The following ALKBH1 variants were observed in gnomAD, a reference collection of about 807,000 sequenced individuals.
ALKBH1 encodes the protein alkB homolog 1, histone H2A dioxygenase.
A neutral mutation model predicts 36.6 loss-of-function variants in ALKBH1; 31 were observed. That is an observed-to-expected ratio of 0.85 (90% CI 0.64 to 1.14). ALKBH1 has a LOEUF of 1.14. Ranked by LOEUF, ALKBH1 falls within the 50% of genes most tolerant of loss-of-function variation. ALKBH1 has a pLI of 0.00. For missense variants in ALKBH1, 490 were observed against 497.3 expected, an observed-to-expected ratio of 0.99 and a Z score of 0.14; for synonymous variants, 183 against 186.6, an observed-to-expected ratio of 0.98 and a Z score of 0.16.
chr14:77,692,290 ACAGT>A (rs1016322059), intron 3 of ALKBH1, among the ~76,000 whole-genome samples: 1 of 152,162 alleles, frequency 6.6e-6, no homozygotes, highest in Non-Finnish European at 1.5e-5. Context: ...GGATCTGAAC[ACAGT>A]CAGTCTGACT....
At chr14:77,674,842 A>G (rs530589152) in intron 5 of ALKBH1, among the ~76,000 whole-genome samples, 2 of 152,270 alleles carry the variant, frequency 1.3e-5, no homozygotes, top group African/African-American at 4.8e-5. Flanking sequence ...GTAAGCCATC[A>G]TGCCCAGCCT....
chr14:77,699,873 T>C (rs1253353295), intron 2 of ALKBH1, among the ~76,000 whole-genome samples: 3 of 152,076 alleles, frequency 2.0e-5, no homozygotes, highest in Admixed American at 6.6e-5. Flanking sequence ...GCTAACACAA[T>C]GAAACCCCGT....
rs184069289 is a variant in ALKBH1 at position 77,672,525 on chromosome 14, A to T, written c.*1287T>A. ...AGGACAGAGGAGACATGTAAACTTAATAACATGCATTGCAAACAGTAGGTA... is the reference window on the plus strand; with the variant it reads ...AGGACAGAGGAGACATGTAAACTTATTAACATGCATTGCAAACAGTAGGTA... On this transcript the variant is annotated 3_prime_UTR_variant, in exon 6 of 6. Coordinates refer to ENST00000216489, the MANE Select transcript of ALKBH1 (RefSeq NM_006020.3). 1.3e-5 allele frequency: 2 copies of T among 152,234 alleles called. No homozygotes were observed. Among genetic ancestry groups the T allele is most frequent in the Non-Finnish European group, 2.9e-5 (2 of 68,050 alleles). 9.4% of individuals were successfully genotyped at this position (152,234 alleles called of 1,614,324 possible).
At chr14:77,700,332 G>A (rs1290580709) in intron 2 of ALKBH1, among the ~76,000 whole-genome samples, 1 of 152,050 alleles carries the variant, frequency 6.6e-6, no homozygotes, top group African/African-American at 2.4e-5. Context: ...ATTCAATGTG[G>A]ACAGGTTCCT....
chr14:77,679,257 A>T lies in ALKBH1; in HGVS notation c.546+623T>A, dbSNP rs180690803. 8.2e-4 allele frequency among the ~76,000 whole-genome samples: 123 copies of T among 149,706 alleles called. 1 individual carries two copies. The highest frequency in any genetic ancestry group is 1.6e-3 in the Admixed American group (24 of 15,228). On this transcript the variant is annotated intron_variant, in intron 4 of 5. Coordinates refer to ENST00000216489, the MANE Select transcript of ALKBH1 (RefSeq NM_006020.3). ...CTTTTGTTGCACAATAAAAATTAAA[A>T]AAAAGAAAAAGAAAAAGAAAAATAT...
chr14:77,673,706 T>TCTTC lies in ALKBH1; in HGVS notation c.*105_*106insGAAG. The stretch of plus-strand genomic sequence containing the variant: ...GTGATCAACAATGAGTTCTTCCCTG[T>TCTTC]CTCTGTTTTTGGCTTGTCTGGGTGC... On this transcript the variant is annotated 3_prime_UTR_variant, in exon 6 of 6. Coordinates refer to ENST00000216489, the MANE Select transcript of ALKBH1 (RefSeq NM_006020.3). 8.6e-7 allele frequency: 1 copy of TCTTC among 1,166,456 alleles called. No homozygotes were observed. The highest frequency in any genetic ancestry group is 2.2e-5 in the Admixed American group (1 of 44,666). The allele number at this position is 1,166,456 out of a possible 1,614,324, so 72.3% of individuals were successfully genotyped here.
Position 77,704,427 on chromosome 14 carries a change from A to G in ALKBH1, c.234T>C (p.Tyr78=), listed in dbSNP as rs754359580. ...NVSSVSEQNA[Y]RAGLQPVSKW... ...TGCTGACGGGCTGAAGACCTGCTCT[A>G]TATGCATTCTGCTCACTGACAGAAG... is the stretch of plus-strand genomic sequence containing the variant. Residue 78 remains tyrosine (Y), a synonymous_variant, in exon 2 of 6, where the codon TAT becomes TAC. Coordinates refer to ENST00000216489, the MANE Select transcript of ALKBH1 (RefSeq NM_006020.3). The G allele has an allele frequency of 1.7e-5, 28 of 1,614,050 alleles. No individual in the cohort carries two copies. Among genetic ancestry groups the G allele is most frequent in the Non-Finnish European group, 1.9e-5 (23 of 1,180,026 alleles).
chr14:77,693,224 A>ACAAC (rs369220185), intron 3 of ALKBH1, among the ~76,000 whole-genome samples: 10,239 of 126,428 alleles, frequency 0.081, 502 homozygotes, highest in Middle Eastern at 0.11. Flanking sequence ...AAAAAAAAAA[A>ACAAC]TTTTTTTTCA....
chr14:77,683,149 CTTTTTT>C (rs34921168), intron 3 of ALKBH1: 74,287 of 403,224 alleles, frequency 0.18, 3,182 homozygotes, highest in East Asian at 0.25. Context: ...GCTGTAAAGT[CTTTTTT>C]TTTTTTTTTT....
chr14:77,687,550 C>G, intron 3 of ALKBH1, among the ~76,000 whole-genome samples: 1 of 151,812 alleles, frequency 6.6e-6, no homozygotes, highest in East Asian at 1.9e-4. Context: ...CAGCATTTGC[C>G]TTCCTCACTC....
At chr14:77,677,086 C>T (rs1475066133) in intron 4 of ALKBH1, among the ~76,000 whole-genome samples, 1 of 151,660 alleles carries the variant, frequency 6.6e-6, no homozygotes, top group Non-Finnish European at 1.5e-5. Context: ...GTCACCCAGG[C>T]TGGAGTGCAG....
chr14:77,682,449 T>C (rs574299715), intron 3 of ALKBH1, among the ~76,000 whole-genome samples: 1 of 152,330 alleles, frequency 6.6e-6, no homozygotes, highest in South Asian at 2.1e-4. Flanking sequence ...ATTCTATTTC[T>C]CTTTCCAAGG....
intron 3 of ALKBH1, among the ~76,000 whole-genome samples, chr14:77,682,998 A>AT (rs1357638375): frequency 1.3e-5 from 2 of 152,062 alleles, no homozygotes; most frequent in Admixed American, 1.3e-4. Context: ...CACCTGGCCT[A>AT]TTTTTATTGT....
intron 3 of ALKBH1, among the ~76,000 whole-genome samples, chr14:77,685,199 T>C (rs562059751): frequency 1.3e-5 from 2 of 152,172 alleles, no homozygotes; most frequent in Admixed American, 6.5e-5. Context: ...TCCCAGCACT[T>C]TGGGAGGCTG....
At chr14:77,679,245 A>G (rs2080223480) in intron 4 of ALKBH1, among the ~76,000 whole-genome samples, 1 of 152,096 alleles carries the variant, frequency 6.6e-6, no homozygotes, top group Admixed American at 6.6e-5. Context: ...TTGTTGCACA[A>G]TAAAAATTAA....
chr14:77,673,576 C>T lies in ALKBH1; in HGVS notation c.*236G>A, dbSNP rs2080187751. On this transcript the variant is annotated 3_prime_UTR_variant, in exon 6 of 6. Coordinates refer to ENST00000216489, the MANE Select transcript of ALKBH1 (RefSeq NM_006020.3). The stretch of plus-strand genomic sequence containing the variant: ...AGAACATACCTCCTTGGACTGACTT[C>T]TCAACATACATTACAGCCAACATGT... The T allele has an allele frequency of 1.9e-6, 1 of 538,852 alleles. No homozygotes were observed. The highest frequency in any genetic ancestry group is 3.4e-5 in the Admixed American group (1 of 29,618). The allele number at this position is 538,852 out of a possible 1,614,324, so 33.4% of individuals were successfully genotyped here. A position where few individuals can be genotyped will look rare whatever the true frequency, so the allele number is the denominator to read the frequency against.
At position 77,675,781 on chromosome 14, in the gene ALKBH1, A is replaced by AGC; in HGVS notation, c.613_614dup (p.Ala206LeufsTer15). On this transcript the variant is annotated frameshift_variant, in exon 5 of 6. Coordinates refer to ENST00000216489, the MANE Select transcript of ALKBH1 (RefSeq NM_006020.3). LOFTEE classifies it high-confidence loss of function. Reference sequence around the variant, plus strand: ...CTCGGAAATCCTCAAATCCACAGGCAGCGGCTACTTGCTCTGAGAGGAAAC... The same window carrying AGC: ...CTCGGAAATCCTCAAATCCACAGGCAGCGCGGCTACTTGCTCTGAGAGGAAAC... The AGC allele has an allele frequency of 6.2e-7, 1 of 1,614,174 alleles. No homozygotes were observed.
chr14:77,700,038 A>C (rs1217902646), intron 2 of ALKBH1, among the ~76,000 whole-genome samples: 4 of 152,102 alleles, frequency 2.6e-5, no homozygotes, highest in Non-Finnish European at 5.9e-5. Context: ...CTGGGCGACA[A>C]GCAAGACTCT....
intron 4 of ALKBH1, among the ~76,000 whole-genome samples, chr14:77,678,771 G>C (rs2080220306): frequency 2.0e-5 from 3 of 152,036 alleles, no homozygotes; most frequent in African/African-American, 7.2e-5. Flanking sequence ...GTCAACTGTA[G>C]GAAATTCTTT....
Sources: allele counts gnomAD v4.1 joint callset (sites outside exome capture counted in the v4.1 genomes callset), GRCh38; gene constraint gnomAD v4.1.1; transcripts MANE v1.5; gene names NCBI Gene and HGNC (gene_info 2026-07-23, HGNC 2026-07-21).